MARCHF1: variants seen among roughly 807,000 people sequenced by gnomAD.
MARCHF1 encodes the protein E3 ubiquitin-protein ligase MARCHF1.
Under a neutral mutation model 54.2 loss-of-function variants are expected in MARCHF1, and 40 were observed. The observed-to-expected ratio is 0.74, with a 90% CI of 0.57 to 0.96. The LOEUF (loss-of-function observed/expected upper bound fraction) is 0.96. MARCHF1 is among the 40% of genes least tolerant of loss of function. The probability of loss-of-function intolerance (pLI) is 0.00; values close to 1 mark genes in which losing one functional copy is unlikely to be tolerated. For missense variants in MARCHF1, 586 were observed against 656.5 expected, an observed-to-expected ratio of 0.89 and a Z score of 1.17; for synonymous variants, 236 against 236.3, an observed-to-expected ratio of 1.00 and a Z score of 0.01.
chr4:163,792,726 G>C (rs1204606542), intron 4 of MARCHF1, among the ~76,000 whole-genome samples: 2 of 152,134 alleles, frequency 1.3e-5, no homozygotes, highest in Non-Finnish European at 2.9e-5. Context: ...TAAACGTTAA[G>C]AACCACAACA....
At chr4:164,347,011 C>T (rs966563409) in intron 1 of MARCHF1, among the ~76,000 whole-genome samples, 1 of 152,060 alleles carries the variant, frequency 6.6e-6, no homozygotes, top group Non-Finnish European at 1.5e-5. Flanking sequence ...TTTATCCTGG[C>T]ATTCACAACT....
intron 4 of MARCHF1, among the ~76,000 whole-genome samples, chr4:163,744,921 T>C (rs534925558): frequency 2.0e-5 from 3 of 152,006 alleles, no homozygotes; most frequent in African/African-American, 2.4e-5. Context: ...TCCATATACA[T>C]TTTTCCCTAC....
intron 1 of MARCHF1, among the ~76,000 whole-genome samples, chr4:164,373,038 AATT>A (rs774597600): frequency 4.9e-4 from 75 of 152,280 alleles, no homozygotes; most frequent in Non-Finnish European, 9.3e-4. Flanking sequence ...CATGCCTGAG[AATT>A]TAAAGAATAT....
intron 2 of MARCHF1, among the ~76,000 whole-genome samples, chr4:164,044,834 CTATA>C (rs964581076): frequency 8.6e-5 from 13 of 151,042 alleles, no homozygotes; most frequent in Non-Finnish European, 1.6e-4. Flanking sequence ...CTCTCTCTAT[CTATA>C]TATATAGACA....
chr4:164,255,642 A>G (rs1733258689), intron 1 of MARCHF1, among the ~76,000 whole-genome samples: 2 of 152,090 alleles, frequency 1.3e-5, no homozygotes, highest in Admixed American at 1.3e-4. Flanking sequence ...GACAAAATAT[A>G]ATAGTTGTTG....
chr4:164,253,443 CACTT>C (rs916462598), intron 1 of MARCHF1, among the ~76,000 whole-genome samples: 4 of 152,044 alleles, frequency 2.6e-5, no homozygotes, highest in Non-Finnish European at 4.4e-5. Flanking sequence ...TTTATTGTAA[CACTT>C]AAATAAGTAA....
At chr4:163,977,282 C>G (rs527321903) in intron 3 of MARCHF1, among the ~76,000 whole-genome samples, 10 of 151,912 alleles carry the variant, frequency 6.6e-5, no homozygotes, top group Non-Finnish European at 1.5e-4. Flanking sequence ...AATGTATAAG[C>G]ATAAATTCAA....
chr4:164,083,971 A>T (rs1393645078), intron 2 of MARCHF1, among the ~76,000 whole-genome samples: 3 of 151,972 alleles, frequency 2.0e-5, no homozygotes, highest in African/African-American at 4.8e-5. Context: ...TTTTGTTTTC[A>T]ACCTATTTTA....
intron 3 of MARCHF1, among the ~76,000 whole-genome samples, chr4:163,860,071 A>G (rs1392478413): frequency 6.6e-6 from 1 of 152,202 alleles, no homozygotes; most frequent in Non-Finnish European, 1.5e-5. Flanking sequence ...TAAAACCTGA[A>G]AATAATTTTT....
At chr4:163,538,382 T>TC (rs1405956811) in intron 9 of MARCHF1, among the ~76,000 whole-genome samples, 2 of 152,094 alleles carry the variant, frequency 1.3e-5, no homozygotes, top group African/African-American at 4.8e-5. Flanking sequence ...AATCCTGTAC[T>TC]CTATTGGAGT....
In MARCHF1 at chr4:163,721,627, T is replaced by C. The variant is rs543290965; in HGVS notation, c.112-20764A>G. 5.9e-5 allele frequency among the ~76,000 whole-genome samples: 9 copies of C among 152,310 alleles called. No homozygotes were observed. In the East Asian group the frequency reaches 1.7e-3, roughly 29 times the overall value. ...TGGTACCAGCTCCTCCTTGTACCTATGGTAGAATTCGGCTGTAAATCCATC... is the reference window on the plus strand; with the variant it reads ...TGGTACCAGCTCCTCCTTGTACCTACGGTAGAATTCGGCTGTAAATCCATC... On this transcript the variant is annotated intron_variant, in intron 4 of 9. Coordinates refer to ENST00000514618, the MANE Select transcript of MARCHF1 (RefSeq NM_001394959.1).
intron 1 of MARCHF1, among the ~76,000 whole-genome samples, chr4:164,377,651 G>T (rs1731236297): frequency 1.3e-5 from 2 of 151,946 alleles, no homozygotes; most frequent in African/African-American, 4.8e-5. Context: ...TTTTGGGTGT[G>T]TATTAGTCCT....
chr4:164,107,225 A>C (rs994486034), intron 2 of MARCHF1, among the ~76,000 whole-genome samples: 2 of 152,046 alleles, frequency 1.3e-5, no homozygotes, highest in African/African-American at 4.8e-5. Flanking sequence ...GTGGTTTTTG[A>C]CTCACAGTAT....
intron 3 of MARCHF1, among the ~76,000 whole-genome samples, chr4:163,956,029 A>T (rs1752226646): frequency 6.6e-6 from 1 of 152,150 alleles, no homozygotes; most frequent in Non-Finnish European, 1.5e-5. Context: ...AATCCAAGAA[A>T]AAAAGGTATG....
chr4:164,073,426 C>T (rs182457984), intron 2 of MARCHF1, among the ~76,000 whole-genome samples: 224 of 152,078 alleles, frequency 1.5e-3, no homozygotes, highest in Middle Eastern at 3.4e-3. Flanking sequence ...TGTTCTCACT[C>T]ATAAGTGAGA....
chr4:163,767,044 A>C (rs1047157159), intron 4 of MARCHF1, among the ~76,000 whole-genome samples: 2 of 151,202 alleles, frequency 1.3e-5, no homozygotes, highest in African/African-American at 4.8e-5. Flanking sequence ...AATTCCCATA[A>C]AAATCTTCAG....
At chr4:164,012,994 G>A (rs566028142) in intron 2 of MARCHF1, among the ~76,000 whole-genome samples, 12 of 152,106 alleles carry the variant, frequency 7.9e-5, no homozygotes, top group Non-Finnish European at 1.6e-4. Flanking sequence ...ATCAGTGAAT[G>A]CCCTCAAGCA....
intron 1 of MARCHF1, among the ~76,000 whole-genome samples, chr4:164,257,917 A>G (rs1270763602): frequency 1.3e-5 from 2 of 152,340 alleles, no homozygotes; most frequent in East Asian, 3.9e-4. Context: ...TACCCAAAGG[A>G]ATATAAGTCA....
intron 3 of MARCHF1, among the ~76,000 whole-genome samples, chr4:163,960,884 C>G (rs926430912): frequency 2.0e-5 from 3 of 151,362 alleles, no homozygotes; most frequent in Non-Finnish European, 4.4e-5. Context: ...AGGGACTAGA[C>G]GTCCAAAATC....
Sources: gnomAD v4.1 joint callset for allele counts (sites outside exome capture counted in the v4.1 genomes callset) on GRCh38, gnomAD v4.1.1 for gene constraint, MANE v1.5 for transcripts, NCBI Gene and HGNC (gene_info 2026-07-23, HGNC 2026-07-21) for gene names.